Variants in STK17A observed in about 807,000 individuals in gnomAD.
STK17A encodes serine/threonine kinase 17a.
STK17A carries 26 observed loss-of-function variants against 43.7 expected under a neutral mutation model. That is an observed-to-expected ratio of 0.60 (90% CI 0.44 to 0.83). STK17A has a LOEUF of 0.83. Ranked by LOEUF, STK17A falls within the 40% of genes least tolerant of loss-of-function variation. The pLI is 0.00. For missense variants in STK17A, 476 were observed against 511.6 expected, an observed-to-expected ratio of 0.93 and a Z score of 0.67; for synonymous variants, 191 against 182.5, an observed-to-expected ratio of 1.05 and a Z score of -0.38.
chr7:43,584,135 G>A (rs2082423091), intron 1 of STK17A, among the ~76,000 whole-genome samples: 1 of 152,102 alleles, frequency 6.6e-6, no homozygotes, highest in Non-Finnish European at 1.5e-5. Context: ...TTTTTTGTGG[G>A]AGTAGAGAGA....
intron 2 of STK17A, among the ~76,000 whole-genome samples, chr7:43,599,947 C>A (rs2082544516): frequency 6.6e-6 from 1 of 152,130 alleles, no homozygotes; most frequent in South Asian, 2.1e-4. Context: ...TTGGTCCCAG[C>A]TCTGAGAGAG....
chr7:43,624,459 T>A, intron 6 of STK17A, 59 bp from the exon 7 acceptor site: 1 of 1,495,994 alleles, frequency 6.7e-7, no homozygotes, highest in Non-Finnish European at 9.0e-7. Flanking sequence ...CAGTACCTTA[T>A]GCTCTAATTT....
chr7:43,595,813 T>A, intron 1 of STK17A, 88 bp from the exon 2 acceptor site: 1 of 1,241,038 alleles, frequency 8.1e-7, no homozygotes, highest in Non-Finnish European at 1.1e-6. Flanking sequence ...TTTGAATATC[T>A]ACCAATGGGT....
chr7:43,583,335 G>A lies in STK17A; in HGVS notation c.92G>A (p.Cys31Tyr). The change falls in exon 1 of 7, where the codon TGC becomes TAC. Residue 31 changes from cysteine to tyrosine, a missense_variant. Transcript: ENST00000319357. ...GCAGGCCGGGGTCTGAGCGGGCCGT[G>A]CCGGCCGCCGCCGCCGCCCCAGGCC... ...GRAGRGLSGP[C>Y]RPPPPPQARG... The A allele has an allele frequency of 2.8e-6, 4 of 1,437,054 alleles. No individual in the cohort carries two copies. The highest frequency in any genetic ancestry group is 2.3e-4 in the Middle Eastern group (1 of 4,266). The allele number at this position is 1,437,054 out of a possible 1,614,324, so 89.0% of individuals were successfully genotyped here.
chr7:43,623,641 A>G, intron 5 of STK17A, 21 bp downstream of exon 5: 2 of 1,607,924 alleles, frequency 1.2e-6, no homozygotes, highest in Non-Finnish European at 1.7e-6. Context: ...TTAATGAAAA[A>G]TTGATCAAAT....
chr7:43,623,270 A>G (rs2084109990), intron 4 of STK17A: 2 of 295,512 alleles, frequency 6.8e-6, no homozygotes, highest in South Asian at 8.3e-5. Context: ...ATGATCTGAT[A>G]GAGACAATGC....
At chr7:43,602,978 A>G (rs35189900) in intron 2 of STK17A, among the ~76,000 whole-genome samples, 22,287 of 152,010 alleles carry the variant, frequency 0.15, 2,175 homozygotes, top group Non-Finnish European at 0.21. Context: ...CATCTGTTTC[A>G]TTGCTCAAGC....
At chr7:43,593,113 A>C (rs1053458347) in intron 1 of STK17A, among the ~76,000 whole-genome samples, 11 of 152,062 alleles carry the variant, frequency 7.2e-5, no homozygotes, top group Non-Finnish European at 1.5e-5. Flanking sequence ...TTTCCACTCT[A>C]TGCCTGTGTA....
At chr7:43,594,871 C>A (rs1356934648) in intron 1 of STK17A, among the ~76,000 whole-genome samples, 3 of 120,994 alleles carry the variant, frequency 2.5e-5, no homozygotes, top group Non-Finnish European at 5.4e-5. Context: ...GAGACCCAGT[C>A]TCTTAAAAAA....
chr7:43,622,926 C>T (rs771880643), intron 4 of STK17A: 1 of 152,618 alleles, frequency 6.6e-6, no homozygotes, highest in Non-Finnish European at 1.5e-5. Flanking sequence ...TGGTCTTGAA[C>T]TCCTGGTTCA....
At chr7:43,615,711 C>A (rs1224109474) in intron 3 of STK17A, among the ~76,000 whole-genome samples, 1 of 152,130 alleles carries the variant, frequency 6.6e-6, no homozygotes, top group African/African-American at 2.4e-5. Context: ...CACTCGTACC[C>A]CTTTTGCCTT....
chr7:43,615,220 G>T (rs1289475013), intron 3 of STK17A, among the ~76,000 whole-genome samples: 3 of 152,180 alleles, frequency 2.0e-5, no homozygotes, highest in African/African-American at 7.2e-5. Flanking sequence ...CTGTTACCCA[G>T]ATTGGAGTGC....
chr7:43,586,425 A>G (rs1458739271), intron 1 of STK17A, among the ~76,000 whole-genome samples: 1 of 151,600 alleles, frequency 6.6e-6, no homozygotes, highest in African/African-American at 2.4e-5. Flanking sequence ...AACAGAGTCC[A>G]TAGCAGCGTA....
At position 43,626,129 on chromosome 7, in the gene STK17A, T is replaced by C. The variant is rs1453487384; in HGVS notation, c.*1287T>C. On this transcript the variant is annotated 3_prime_UTR_variant, in exon 7 of 7. Coordinates refer to ENST00000319357, the MANE Select transcript of STK17A (RefSeq NM_004760.3). ...GCATTAAATATTTGCCTATCACCTGTGTGCTGTGTACCGTGGCCATGCCTC... is the reference window on the plus strand; with the variant it reads ...GCATTAAATATTTGCCTATCACCTGCGTGCTGTGTACCGTGGCCATGCCTC... 1 of 152,200 alleles carries C rather than the reference T, an allele frequency of 6.6e-6. No individual in the cohort carries two copies. Among genetic ancestry groups the C allele is most frequent in the Non-Finnish European group, 1.5e-5 (1 of 68,040 alleles). 9.4% of individuals were successfully genotyped at this position (152,200 alleles called of 1,614,324 possible).
intron 3 of STK17A, among the ~76,000 whole-genome samples, chr7:43,615,415 A>C (rs1327891326): frequency 7.9e-5 from 12 of 151,854 alleles, no homozygotes; most frequent in Admixed American, 7.9e-4. Context: ...AAGCTCAAAC[A>C]ATCCACTCAC....
chr7:43,621,068 G>A lies in STK17A; in HGVS notation c.691+1345G>A, dbSNP rs550262388. Among the ~76,000 whole-genome samples, 24 of 152,262 alleles carry A rather than the reference G, an allele frequency of 1.6e-4. No individual in the cohort carries two copies. The East Asian group carries it at 2.7e-3, about 17-fold the overall frequency. On this transcript the variant is annotated intron_variant, in intron 4 of 6. Transcript: ENST00000319357. ...GGATGTTACAAGAAAAGAGCTATCC[G>A]GAGCACAGAAAGACTCAGGAGGGCC...
At chr7:43,618,848 G>A (rs2083586195) in intron 3 of STK17A, among the ~76,000 whole-genome samples, 1 of 152,172 alleles carries the variant, frequency 6.6e-6, no homozygotes, top group African/African-American at 2.4e-5. Flanking sequence ...TAGGGTAGAA[G>A]TCATCAGTAT....
At position 43,626,098 on chromosome 7, in the gene STK17A, C is replaced by G. The variant is rs189679831; in HGVS notation, c.*1256C>G. 1 of 152,170 alleles carries G rather than the reference C, an allele frequency of 6.6e-6. No individual in the cohort carries two copies. Among genetic ancestry groups the G allele is most frequent in the East Asian group, 1.9e-4 (1 of 5,196 alleles). The allele number at this position is 152,170 out of a possible 1,614,324, so 9.4% of individuals were successfully genotyped here. ...ACTAATTATCCTTACACACAAAAGG[C>G]TCAGTGCATTAAATATTTGCCTATC... On this transcript the variant is annotated 3_prime_UTR_variant, in exon 7 of 7. Transcript: ENST00000319357.
In STK17A at chr7:43,583,224, A is replaced by G; in HGVS notation, c.-20A>G. 6.4e-7 allele frequency: 1 copy of G among 1,555,252 alleles called. No homozygotes were observed. Among genetic ancestry groups the G allele is most frequent in the Admixed American group, 1.9e-5 (1 of 53,626 alleles). On this transcript the variant is annotated 5_prime_UTR_variant, in exon 1 of 7. Transcript: ENST00000319357. ...GCTCGGAGTGAACAGGCGGCCAGGA[A>G]AGAAGCGGGCCTGAACACCATGATC...
Sources: gnomAD v4.1 joint callset for allele counts (sites outside exome capture counted in the v4.1 genomes callset) on GRCh38, gnomAD v4.1.1 for gene constraint, MANE v1.5 for transcripts, NCBI Gene and HGNC (gene_info 2026-07-23, HGNC 2026-07-21) for gene names.